The following FREM3 variants were observed in gnomAD, a reference collection of about 807,000 sequenced individuals.
FREM3 encodes FRAS1 related extracellular matrix 3, also known as FRAS1-related extracellular matrix protein 3.
FREM3 carries 105 observed loss-of-function variants against 129.1 expected under a neutral mutation model. The observed-to-expected ratio is 0.81, with a 90% CI of 0.69 to 0.96. The LOEUF (loss-of-function observed/expected upper bound fraction) is 0.96, where lower values mean the gene tolerates loss of function less well. Ranked by LOEUF, FREM3 falls within the 40% of genes least tolerant of loss-of-function variation. The pLI, the probability that FREM3 is intolerant of heterozygous loss-of-function variation, is 0.00. For missense variants in FREM3, 2,593 were observed against 2,666.3 expected (o/e 0.97, Z 0.61); for synonymous variants, 1,014 against 1,044.9 (o/e 0.97, Z 0.57).
At chr4:143,639,757 G>A (rs1211403265) in intron 2 of FREM3, among the ~76,000 whole-genome samples, 3 of 152,096 alleles carry the variant, frequency 2.0e-5, no homozygotes, top group Non-Finnish European at 4.4e-5. Context: ...AACATTGACT[G>A]CATATTATCA....
chr4:143,659,732 C>G (rs1188577060), intron 2 of FREM3, among the ~76,000 whole-genome samples: 2 of 151,252 alleles, frequency 1.3e-5, no homozygotes, highest in East Asian at 3.9e-4. Flanking sequence ...TCCACATCCT[C>G]TTCAGCACCT....
At chr4:143,625,734 C>A (rs1739027075) in intron 3 of FREM3, among the ~76,000 whole-genome samples, 1 of 152,152 alleles carries the variant, frequency 6.6e-6, no homozygotes. Context: ...GAGGATGTCA[C>A]ACAGAATTAG....
rs1738236689 is a variant in FREM3, at chr4:143,585,972, T to A, written c.6050A>T (p.Asp2017Val). 1 of 1,537,464 alleles carries A rather than the reference T, an allele frequency of 6.5e-7. No individual in the cohort carries two copies. Among genetic ancestry groups the A allele is most frequent in the Non-Finnish European group, 8.7e-7 (1 of 1,147,006 alleles). The change falls in exon 7 of 8, where the codon GAT (aspartate) becomes GTT (valine). Residue 2017 changes from aspartate (D) to valine (V), a missense_variant. By Grantham distance (152) the Asp-to-Val change is radical. This residue lies in a region of FREM3 where 317 missense variants were observed against 399.0 expected (regional missense o/e 0.79). Coordinates refer to ENST00000329798, the MANE Select transcript of FREM3 (RefSeq NM_001168235.2). This position sits in a 1 kb window ranked among gnomAD's most constrained non-coding sequence, Gnocchi z 4.2. ...ACTTTCATTGACGTGATATTCAGCA[T>A]CCCCAAAGTGCAGGACAGGTTCTAA... is the stretch of plus-strand genomic sequence containing the variant. ...RYDEPVLHFG[D>V]AEYHVNESAR...
At chr4:143,644,160 C>A (rs1490114727) in intron 2 of FREM3, among the ~76,000 whole-genome samples, 1 of 148,280 alleles carries the variant, frequency 6.7e-6, no homozygotes, top group Non-Finnish European at 1.5e-5. Flanking sequence ...TAATCTTATT[C>A]CCCTCCTGCT....
chr4:143,588,813 C>T (rs1031948824), intron 6 of FREM3, among the ~76,000 whole-genome samples: 11 of 149,578 alleles, frequency 7.4e-5, no homozygotes, highest in Non-Finnish European at 1.0e-4. Context: ...CCTGAGGAAT[C>T]GCCACACTGA....
chr4:143,624,100 TCA>T lies in FREM3; in HGVS notation c.5653+6_5653+7del. The T allele has an allele frequency of 6.9e-7, 1 of 1,459,458 alleles. No individual in the cohort carries two copies. The highest frequency in any genetic ancestry group is 9.3e-7 in the Non-Finnish European group (1 of 1,075,992). 90.4% of individuals were successfully genotyped at this position (1,459,458 alleles called of 1,614,324 possible). A position where few individuals can be genotyped will look rare whatever the true frequency, so the allele number is the denominator to read the frequency against. On this transcript the variant is annotated splice_donor_region_variant and intron_variant, in intron 4 of 7. Coordinates refer to ENST00000329798, the MANE Select transcript of FREM3 (RefSeq NM_001168235.2). The stretch of plus-strand genomic sequence containing the variant: ...GGTTAATAAAGCAAATCAATCAGTG[TCA>T]CATACCATCTCCAGGGTCTACAATT...
intron 2 of FREM3, among the ~76,000 whole-genome samples, chr4:143,665,765 G>A (rs1739847412): frequency 6.6e-6 from 1 of 152,090 alleles, no homozygotes; most frequent in Non-Finnish European, 1.5e-5. Context: ...CAGAACTCCA[G>A]TAGAAGTTGA....
intron 2 of FREM3, among the ~76,000 whole-genome samples, chr4:143,665,582 T>A (rs1490234498): frequency 1.3e-5 from 2 of 152,066 alleles, no homozygotes; most frequent in Admixed American, 1.3e-4. Context: ...CTTTTCTGAA[T>A]CCTAAACACT....
In FREM3 at chr4:143,627,680, C is replaced by T. The variant is rs1025170349; in HGVS notation, c.5356G>A (p.Glu1786Lys). Residue 1786 changes from glutamate to lysine, a missense_variant, in exon 3 of 8, where the codon GAA (glutamate) becomes AAA (lysine). This residue lies in a region of FREM3 where 2,276 missense variants were observed against 2,267.2 expected (regional missense o/e 1.00). Transcript: ENST00000329798. ...CLEKEYYIVD[E>K]DSTFLEVTLT... is the part of the protein sequence containing the mutation. ...GTCACTTCTAAGAATGTGGAATCTT[C>T]ATCCACAATGTAGTACTCTTTCTCC... 1 of 1,529,732 alleles carries T rather than the reference C, an allele frequency of 6.5e-7. No homozygotes were observed. The highest frequency in any genetic ancestry group is 8.8e-7 in the Non-Finnish European group (1 of 1,140,066). The allele number at this position is 1,529,732 out of a possible 1,614,324, so 94.8% of individuals were successfully genotyped here. A position where few individuals can be genotyped will look rare whatever the true frequency, so the allele number is the denominator to read the frequency against.
intron 5 of FREM3, among the ~76,000 whole-genome samples, chr4:143,613,172 G>A (rs1461594817): frequency 6.6e-6 from 1 of 152,208 alleles, no homozygotes; most frequent in Non-Finnish European, 1.5e-5. Context: ...TTATTCGGAA[G>A]TAACAAATTG....
At chr4:143,635,479 C>G (rs1302149752) in intron 2 of FREM3, among the ~76,000 whole-genome samples, 1 of 152,150 alleles carries the variant, frequency 6.6e-6, no homozygotes, top group Non-Finnish European at 1.5e-5. Flanking sequence ...GAATGCTCAG[C>G]AACCTCCCTG....
rs1740615610 is a variant in FREM3, at chr4:143,698,112, G to A, written c.2564C>T (p.Thr855Ile). 6.5e-7 allele frequency: 1 copy of A among 1,537,338 alleles called. No individual in the cohort carries two copies. The highest frequency in any genetic ancestry group is 1.4e-5 in the African/African-American group (1 of 73,062). Residue 855 changes from threonine (T) to isoleucine (I), a missense_variant, in exon 1 of 8, where the codon ACA becomes ATA. Physicochemically the swap from Thr to Ile is moderately conservative, Grantham distance 89. Transcript: ENST00000329798. ...TTGGTCAATGTCTGTGTCTGGGTCTGTAACATGCAGCTCATTACTGCTGAG... is the reference window on the plus strand; with the variant it reads ...TTGGTCAATGTCTGTGTCTGGGTCTATAACATGCAGCTCATTACTGCTGAG... ...FNLSSNELHVTDPDTDIDQIV... is the reference protein window; with the variant it reads ...FNLSSNELHVIDPDTDIDQIV...
At chr4:143,649,117 T>C (rs1471222226) in intron 2 of FREM3, 3 of 152,200 alleles carry the variant, frequency 2.0e-5, no homozygotes, top group Admixed American at 1.3e-4. Flanking sequence ...TTGTATAAAA[T>C]AGAGCCAATT....
At chr4:143,672,151 A>C (rs1740009092) in intron 2 of FREM3, among the ~76,000 whole-genome samples, 1 of 152,146 alleles carries the variant, frequency 6.6e-6, no homozygotes, top group African/African-American at 2.4e-5. Context: ...ACTTGATTCT[A>C]ACTTGATTCT....
chr4:143,675,376 G>A (rs1201037292), intron 2 of FREM3, among the ~76,000 whole-genome samples: 1 of 152,094 alleles, frequency 6.6e-6, no homozygotes, highest in Non-Finnish European at 1.5e-5. Context: ...GAATCTCTGG[G>A]ACACATTTAA....
chr4:143,605,748 A>G (rs776114826), intron 6 of FREM3, among the ~76,000 whole-genome samples: 2 of 152,256 alleles, frequency 1.3e-5, no homozygotes, highest in South Asian at 4.1e-4. Context: ...ATTTCCTACC[A>G]CTTAACTCCA....
intron 2 of FREM3, among the ~76,000 whole-genome samples, chr4:143,639,844 C>G (rs955355884): frequency 1.3e-5 from 2 of 152,106 alleles, no homozygotes; most frequent in Non-Finnish European, 2.9e-5. Flanking sequence ...AACAGTCATA[C>G]TTGATATTTG....
At chr4:143,580,951 C>T (rs977539312) in intron 7 of FREM3, among the ~76,000 whole-genome samples, 6 of 152,210 alleles carry the variant, frequency 3.9e-5, no homozygotes, top group African/African-American at 1.4e-4. Flanking sequence ...GCCACCCCAG[C>T]CCCACCTAGG....
At chr4:143,586,617 G>A (rs971094958) in intron 6 of FREM3, among the ~76,000 whole-genome samples, 7 of 152,164 alleles carry the variant, frequency 4.6e-5, no homozygotes, top group Admixed American at 1.3e-4. Flanking sequence ...CAGACACCAG[G>A]CTTCAGCGGT....
Sources: gnomAD v4.1 joint callset for allele counts (sites outside exome capture counted in the v4.1 genomes callset) on GRCh38, gnomAD v4.1.1 for gene constraint, gnomAD v4.1.1 regional missense constraint, Gnocchi (gnomAD v3.1) non-coding constraint, MANE v1.5 for transcripts, NCBI Gene and HGNC (gene_info 2026-07-23, HGNC 2026-07-21) for gene names.